GNPAT: variants seen among roughly 807,000 people sequenced by gnomAD.
GNPAT encodes glyceronephosphate O-acyltransferase, also known as dihydroxyacetone phosphate acyltransferase.
In GNPAT, 30 loss-of-function variants were observed where a neutral mutation model predicts 78.4. That is an observed-to-expected ratio of 0.38 (90% CI 0.29 to 0.52). The LOEUF is 0.52. GNPAT is among the 20% of genes least tolerant of loss of function. GNPAT has a pLI of 0.84. For synonymous variants in GNPAT, 271 were observed against 281.1 expected, an observed-to-expected ratio of 0.96 and a Z score of 0.36; for missense variants, 714 against 812.2, an observed-to-expected ratio of 0.88 and a Z score of 1.47.
intron 2 of GNPAT, among the ~76,000 whole-genome samples, chr1:231,258,059 G>A (rs1330809385): frequency 6.6e-6 from 1 of 152,094 alleles, no homozygotes; most frequent in African/African-American, 2.4e-5. Flanking sequence ...TTTCATGGCT[G>A]TGTTTCCTGA....
rs182779044 is a variant in GNPAT, at chr1:231,243,572, C to G, written c.78+2116C>G. ...CTCCTGACCTCAAGTGATCTACTCA[C>G]CTCCCAAAGTGCTGGAATTACAGGC... On this transcript the variant is annotated intron_variant, in intron 1 of 15. Transcript: ENST00000366647. Among the ~76,000 whole-genome samples, 206 of 152,254 alleles carry G rather than the reference C, an allele frequency of 1.4e-3. 2 individuals are homozygous for G. Among genetic ancestry groups the G allele is most frequent in the Non-Finnish European group, 4.1e-4 (28 of 68,024 alleles).
At chr1:231,257,562 G>A (rs1202706646) in intron 2 of GNPAT, among the ~76,000 whole-genome samples, 1 of 152,080 alleles carries the variant, frequency 6.6e-6, no homozygotes, top group Admixed American at 6.5e-5. Context: ...ATGTTAGATG[G>A]TCCTCATTGA....
At chr1:231,275,779 G>T (rs369403303) in intron 14 of GNPAT, among the ~76,000 whole-genome samples, 1 of 152,156 alleles carries the variant, frequency 6.6e-6, no homozygotes, top group Non-Finnish European at 1.5e-5. Flanking sequence ...AAAGATTTTC[G>T]GGAGTGTAGT....
chr1:231,252,485 G>A lies in GNPAT; in HGVS notation c.261+1342G>A, dbSNP rs563442625. ...CGTCATATCACCCAGGTGCTTGTAT[G>A]GTCATAGGCCCACAGGTGGATAAAT... On this transcript the variant is annotated intron_variant, in intron 2 of 15. Transcript: ENST00000366647. 3.9e-5 allele frequency among the ~76,000 whole-genome samples: 6 copies of A among 152,314 alleles called. No individual in the cohort carries two copies. In the South Asian group the frequency reaches 1.2e-3, roughly 32 times the overall value.
chr1:231,254,608 A>ATT (rs564899131), intron 2 of GNPAT, among the ~76,000 whole-genome samples: 2 of 143,102 alleles, frequency 1.4e-5, no homozygotes, highest in African/African-American at 2.6e-5. Context: ...TGCCCAGCTA[A>ATT]TTTTTTTTTT....
At chr1:231,269,397 C>T (rs535804250) in intron 9 of GNPAT, among the ~76,000 whole-genome samples, 13 of 152,202 alleles carry the variant, frequency 8.5e-5, no homozygotes, top group East Asian at 5.8e-4. Flanking sequence ...TGGACCTCCC[C>T]GCCTCCTCCC....
At chr1:231,257,565 C>G (rs1685100402) in intron 2 of GNPAT, among the ~76,000 whole-genome samples, 1 of 152,134 alleles carries the variant, frequency 6.6e-6, no homozygotes, top group African/African-American at 2.4e-5. Context: ...TTAGATGGTC[C>G]TCATTGATCT....
intron 8 of GNPAT, among the ~76,000 whole-genome samples, chr1:231,267,389 C>T (rs1685419271): frequency 3.9e-5 from 6 of 152,194 alleles, no homozygotes; most frequent in African/African-American, 2.4e-5. Context: ...CATCCATTCT[C>T]AGAGAAACGA....
intron 2 of GNPAT, among the ~76,000 whole-genome samples, chr1:231,252,837 T>C (rs1176137083): frequency 6.6e-6 from 1 of 152,198 alleles, no homozygotes; most frequent in Non-Finnish European, 1.5e-5. Flanking sequence ...TTACCAAATA[T>C]TAACATTTGA....
intron 2 of GNPAT, among the ~76,000 whole-genome samples, chr1:231,254,560 G>C (rs956321520): frequency 6.6e-6 from 1 of 151,504 alleles, no homozygotes; most frequent in African/African-American, 2.4e-5. Context: ...TCCTGCCTCA[G>C]CCTCCTGAGT....
intron 3 of GNPAT, 89 bp from the exon 4 acceptor site, chr1:231,262,634 T>TA (rs1462128668): frequency 1.9e-6 from 2 of 1,053,502 alleles, no homozygotes; most frequent in African/African-American, 1.6e-5. Flanking sequence ...TCCCTCTAAA[T>TA]ATAGACTTAT....
At chr1:231,275,575 A>G in intron 14 of GNPAT, 77 bp downstream of exon 14, 3 of 848,010 alleles carry the variant, frequency 3.5e-6, no homozygotes. Context: ...ATCCAGAGAG[A>G]CATAGAAATG....
intron 14 of GNPAT, 62 bp downstream of exon 14, chr1:231,275,560 T>C: frequency 1.1e-6 from 1 of 942,178 alleles, no homozygotes; most frequent in South Asian, 1.3e-5. Context: ...ACATTTGAGC[T>C]CAAAATCCAG....
intron 14 of GNPAT, 71 bp from the exon 15 acceptor site, chr1:231,276,064 C>T: frequency 1.3e-6 from 1 of 763,480 alleles, no homozygotes; most frequent in Non-Finnish European, 2.3e-6. Context: ...ATAGCTACGT[C>T]AGGAACAAAA....
rs1362411585 is a variant in GNPAT at position 231,251,005 on chromosome 1, G to T, written c.123G>T (p.Glu41Asp). The change falls in exon 2 of 16, where the codon GAG (glutamate) becomes GAT (aspartate). Residue 41 changes from glutamate (E) to aspartate (D), a missense_variant. Coordinates refer to ENST00000366647, the MANE Select transcript of GNPAT (RefSeq NM_014236.4). ...ATGAGTTTGAAGATATTTTAGAAGA[G>T]AGGAGGCATGTCAGTGACTTGAAAT... is the stretch of plus-strand genomic sequence containing the variant. ...KWDEFEDILEERRHVSDLKFA... is the reference protein window; with the variant it reads ...KWDEFEDILEDRRHVSDLKFA... 6.2e-7 allele frequency: 1 copy of T among 1,612,072 alleles called. No homozygotes were observed. Among genetic ancestry groups the T allele is most frequent in the African/African-American group, 1.3e-5 (1 of 74,900 alleles).
chr1:231,267,925 G>A (rs1318304787), intron 9 of GNPAT, 22 bp downstream of exon 9: 2 of 1,350,596 alleles, frequency 1.5e-6, no homozygotes, highest in Non-Finnish European at 1.1e-6. Flanking sequence ...GGACATATGT[G>A]TTGAGAATGC....
At chr1:231,271,653 C>T (rs1685568957) in intron 10 of GNPAT, among the ~76,000 whole-genome samples, 1 of 152,096 alleles carries the variant, frequency 6.6e-6, no homozygotes, top group South Asian at 2.1e-4. Flanking sequence ...ATAAAGATAC[C>T]AGGAAATATG....
At chr1:231,274,188 G>C (rs750333197) in intron 12 of GNPAT, 126 bp downstream of exon 12, 1 of 852,170 alleles carries the variant, frequency 1.2e-6, no homozygotes, top group Non-Finnish European at 2.0e-6. Flanking sequence ...GAAGGAGAGA[G>C]AGTGACTAAT....
intron 2 of GNPAT, among the ~76,000 whole-genome samples, chr1:231,252,017 G>C (rs759424232): frequency 1.3e-5 from 2 of 152,186 alleles, no homozygotes; most frequent in Non-Finnish European, 2.9e-5. Flanking sequence ...TGTTATGAAG[G>C]ACTTTGTAAA....
Sources: allele counts gnomAD v4.1 joint callset (sites outside exome capture counted in the v4.1 genomes callset), GRCh38; gene constraint gnomAD v4.1.1; transcripts MANE v1.5; gene names NCBI Gene and HGNC (gene_info 2026-07-23, HGNC 2026-07-21).